The following TMEM132B variants were observed in gnomAD, a reference collection of about 807,000 sequenced individuals.
TMEM132B encodes the protein transmembrane protein 132B.
In TMEM132B, 18 loss-of-function variants were observed where a neutral mutation model predicts 90.8. That is an observed-to-expected ratio of 0.20 (90% CI 0.14 to 0.29). TMEM132B has a LOEUF of 0.29. Among genes scored for constraint, TMEM132B ranks in the 10% least tolerant of loss-of-function variants. TMEM132B has a pLI of 1.00. For missense variants in TMEM132B, 1,096 were observed against 1,326.8 expected (o/e 0.83, Z 2.70); for synonymous variants, 504 against 523.3 (o/e 0.96, Z 0.50).
intron 1 of TMEM132B, among the ~76,000 whole-genome samples, chr12:125,306,589 G>T (rs975048478): frequency 6.6e-6 from 1 of 152,152 alleles, no homozygotes; most frequent in Non-Finnish European, 1.5e-5. Flanking sequence ...TTCCTTCCAA[G>T]CCTCAGCAAA....
chr12:125,280,588 C>T lies in TMEM132B; in HGVS notation c.68-68864C>T, dbSNP rs951511741. Among the ~76,000 whole-genome samples the T allele has an allele frequency of 7.2e-5, 11 of 152,342 alleles. No individual in the cohort carries two copies. The South Asian group carries it at 1.5e-3, about 20-fold the overall frequency. On this transcript the variant is annotated intron_variant, in intron 1 of 8. Coordinates refer to ENST00000682704, the MANE Select transcript of TMEM132B (RefSeq NM_001366854.1). ...TGGACCTAGGCTGCCGGAGGAGCAG[C>T]CCGTCTTCACTTGCTGTGGGATGTC...
intron 1 of TMEM132B, among the ~76,000 whole-genome samples, chr12:125,279,062 G>T (rs961552398): frequency 3.3e-5 from 5 of 152,208 alleles, no homozygotes; most frequent in Non-Finnish European, 7.3e-5. Flanking sequence ...ACAGACAGGG[G>T]TCATTGGTAG....
chr12:125,549,127 A>C (rs963056366), intron 4 of TMEM132B, among the ~76,000 whole-genome samples: 4 of 152,242 alleles, frequency 2.6e-5, no homozygotes, highest in Non-Finnish European at 5.9e-5. Flanking sequence ...ACATCTGAAA[A>C]TGTCACTTCA....
At chr12:125,339,078 T>C (rs1029259235) in intron 1 of TMEM132B, among the ~76,000 whole-genome samples, 1 of 152,154 alleles carries the variant, frequency 6.6e-6, no homozygotes, top group Non-Finnish European at 1.5e-5. Context: ...ATTTGAGTTT[T>C]GACATGGGCA....
rs1025161332 is a variant in TMEM132B at position 125,658,617 on chromosome 12, G to T, written c.*3907G>T. ...CATATCACCTGTCATGTAAAGGGAC[G>T]GTATGGATGGTGGAAAAGTTATGCT... On this transcript the variant is annotated 3_prime_UTR_variant, in exon 9 of 9. Coordinates refer to ENST00000682704, the MANE Select transcript of TMEM132B (RefSeq NM_001366854.1). 1 of 152,190 alleles carries T rather than the reference G, an allele frequency of 6.6e-6. No homozygotes were observed. Among genetic ancestry groups the T allele is most frequent in the Non-Finnish European group, 1.5e-5 (1 of 68,040 alleles). 9.4% of individuals were successfully genotyped at this position (152,190 alleles called of 1,614,324 possible). A position where few individuals can be genotyped will look rare whatever the true frequency, so the allele number is the denominator to read the frequency against.
intron 3 of TMEM132B, among the ~76,000 whole-genome samples, chr12:125,421,388 C>T (rs1036279601): frequency 6.6e-6 from 1 of 152,160 alleles, no homozygotes; most frequent in Admixed American, 6.5e-5. Context: ...GGAGCAAAGT[C>T]ACATCTTACA....
At chr12:125,299,913 A>G (rs1017910372) in intron 1 of TMEM132B, among the ~76,000 whole-genome samples, 2 of 152,096 alleles carry the variant, frequency 1.3e-5, no homozygotes, top group African/African-American at 4.8e-5. Context: ...AGATTATGCC[A>G]TTTCCCTGCT....
intron 1 of TMEM132B, among the ~76,000 whole-genome samples, chr12:125,261,803 C>T (rs1299344571): frequency 6.6e-6 from 1 of 152,076 alleles, no homozygotes; most frequent in Non-Finnish European, 1.5e-5. Flanking sequence ...TAATCAATGG[C>T]CCTTATTTCC....
intron 3 of TMEM132B, among the ~76,000 whole-genome samples, chr12:125,467,492 C>T (rs774081002): frequency 5.9e-5 from 9 of 151,974 alleles, no homozygotes; most frequent in Non-Finnish European, 1.5e-5. Context: ...TTGAACCATT[C>T]CTGTGGGCAG....
chr12:125,224,929 C>G (rs1873643910), intron 1 of TMEM132B, among the ~76,000 whole-genome samples: 1 of 152,176 alleles, frequency 6.6e-6, no homozygotes, highest in African/African-American at 2.4e-5. Flanking sequence ...TTTTTGCATT[C>G]TTTCTTTCCT....
chr12:125,597,540 A>G (rs1885468499), intron 5 of TMEM132B, among the ~76,000 whole-genome samples: 1 of 152,246 alleles, frequency 6.6e-6, no homozygotes, highest in African/African-American at 2.4e-5. Context: ...CAGGCACTGT[A>G]TCTATCTTTG....
intron 4 of TMEM132B, among the ~76,000 whole-genome samples, chr12:125,583,599 G>C (rs1885107675): frequency 6.6e-6 from 1 of 152,144 alleles, no homozygotes. Flanking sequence ...GTCAGGGAGA[G>C]GGAGAATGAC....
intron 3 of TMEM132B, among the ~76,000 whole-genome samples, chr12:125,494,443 C>T (rs1487139008): frequency 1.4e-5 from 2 of 143,592 alleles, no homozygotes; most frequent in Non-Finnish European, 1.5e-5. Flanking sequence ...GGCCGTGTCC[C>T]TCCTCCCCCT....
At position 125,444,989 on chromosome 12, in the gene TMEM132B, T is replaced by A. The variant is rs138816315; in HGVS notation, c.1106+29312T>A. Among the ~76,000 whole-genome samples, 746 of 152,294 alleles carry A rather than the reference T, an allele frequency of 4.9e-3. 3 individuals carry two copies. Among genetic ancestry groups the A allele is most frequent in the Middle Eastern group, 0.031 (9 of 294 alleles). ...AATCCCCTTAACATATATCCCCTAC[T>A]AGTTCTACATCTCCAGTTGAACCCT... On this transcript the variant is annotated intron_variant, in intron 3 of 8. Coordinates refer to ENST00000682704, the MANE Select transcript of TMEM132B (RefSeq NM_001366854.1).
rs554666342 is a variant in TMEM132B at position 125,373,342 on chromosome 12, T to C, written c.959+22999T>C. Among the ~76,000 whole-genome samples, 81 of 152,288 alleles carry C rather than the reference T, an allele frequency of 5.3e-4. 1 individual carries two copies. The highest frequency in any genetic ancestry group is 6.8e-3 in the Middle Eastern group (2 of 294). ...CCTCCAGGACCTCAAAATGTGACCG[T>C]ATTTGGATATAGGGCCTTTAAAGAA... is the stretch of plus-strand genomic sequence containing the variant. On this transcript the variant is annotated intron_variant, in intron 2 of 8. Transcript: ENST00000682704.
At chr12:125,502,910 T>C (rs1387873380) in intron 3 of TMEM132B, among the ~76,000 whole-genome samples, 2 of 152,034 alleles carry the variant, frequency 1.3e-5, no homozygotes, top group Non-Finnish European at 2.9e-5. Flanking sequence ...GGCTCCAACT[T>C]CTTTTTATGT....
In TMEM132B at chr12:125,313,061, G is replaced by A. The variant is rs536309538; in HGVS notation, c.68-36391G>A. On this transcript the variant is annotated intron_variant, in intron 1 of 8. Coordinates refer to ENST00000682704, the MANE Select transcript of TMEM132B (RefSeq NM_001366854.1). ...CCCCTCGTGTGAGCTGGGAGTGCGAGTGCCTGGGTTTGAATCCTGGCTTGG... is the reference window on the plus strand; with the variant it reads ...CCCCTCGTGTGAGCTGGGAGTGCGAATGCCTGGGTTTGAATCCTGGCTTGG... Among the ~76,000 whole-genome samples, 109 of 152,230 alleles carry A rather than the reference G, an allele frequency of 7.2e-4. 1 individual carries two copies. The highest frequency in any genetic ancestry group is 1.2e-3 in the Non-Finnish European group (85 of 68,002).
At position 125,422,439 on chromosome 12, in the gene TMEM132B, T is replaced by G. The variant is rs74393375; in HGVS notation, c.1106+6762T>G. On this transcript the variant is annotated intron_variant, in intron 3 of 8. Coordinates refer to ENST00000682704, the MANE Select transcript of TMEM132B (RefSeq NM_001366854.1). Reference sequence around the variant, plus strand: ...TTCAGCTCTCTTGTTCCCACAGGACTGAAAACTCATTAAAAGCAGTGCCCA... The same window carrying G: ...TTCAGCTCTCTTGTTCCCACAGGACGGAAAACTCATTAAAAGCAGTGCCCA... Among the ~76,000 whole-genome samples the G allele has an allele frequency of 5.6e-3, 859 of 152,298 alleles. 5 individuals are homozygous for G. Among genetic ancestry groups the G allele is most frequent in the African/African-American group, 0.019 (792 of 41,556 alleles).
At position 125,504,167 on chromosome 12, in the gene TMEM132B, C is replaced by A. The variant is rs75042412; in HGVS notation, c.1107-15272C>A. Among the ~76,000 whole-genome samples the A allele has an allele frequency of 7.9e-3, 1,206 of 152,266 alleles. 10 individuals carry two copies. Among genetic ancestry groups the A allele is most frequent in the African/African-American group, 0.027 (1,129 of 41,558 alleles). On this transcript the variant is annotated intron_variant, in intron 3 of 8. Transcript: ENST00000682704. Reference sequence around the variant, plus strand: ...CCTGCAAATCCCTTCCATTGACTTTCTGCTTAGCTGACATTTATTGAAAAT... The same window carrying A: ...CCTGCAAATCCCTTCCATTGACTTTATGCTTAGCTGACATTTATTGAAAAT...
Sources: allele counts gnomAD v4.1 joint callset (sites outside exome capture counted in the v4.1 genomes callset), GRCh38; gene constraint gnomAD v4.1.1; transcripts MANE v1.5; gene names NCBI Gene and HGNC (gene_info 2026-07-23, HGNC 2026-07-21).